The following MX2 variants were observed in gnomAD, a reference collection of about 807,000 sequenced individuals.
MX2 encodes the protein MX dynamin like GTPase 2.
In MX2, 51 loss-of-function variants were observed where a neutral mutation model predicts 74.0. The ratio of observed to expected loss-of-function variants is 0.69; its 90% confidence interval spans 0.55 to 0.87. The LOEUF is 0.87. Ranked by LOEUF, MX2 falls within the 40% of genes least tolerant of loss-of-function variation. The pLI, the probability that MX2 is intolerant of heterozygous loss-of-function variation, is 0.00. For synonymous variants in MX2, 369 were observed against 339.3 expected (o/e 1.09, Z -0.96); for missense variants, 832 against 908.7 (o/e 0.92, Z 1.09).
chr21:41,397,778 G>A, intron 8 of MX2, 87 bp downstream of exon 8: 1 of 1,158,372 alleles, frequency 8.6e-7, no homozygotes, highest in Non-Finnish European at 1.3e-6. Context: ...ATGCCCCACT[G>A]ATCTGTCCAA....
In MX2 at chr21:41,395,788, G is replaced by C. The variant is rs1436304839; in HGVS notation, c.1070+3G>C. On this transcript the variant is annotated splice_donor_region_variant and intron_variant, in intron 7 of 13. Coordinates refer to ENST00000330714, the MANE Select transcript of MX2 (RefSeq NM_002463.2). ...TTTCAAACACATCCATATTTCAGGT[G>C]AGACTCTTCAGGAAAGCTCTGGAAT... 6.2e-7 allele frequency: 1 copy of C among 1,613,950 alleles called. No individual in the cohort carries two copies. The highest frequency in any genetic ancestry group is 1.1e-5 in the South Asian group (1 of 91,050).
chr21:41,399,373 G>A (rs1271223409), intron 10 of MX2, 36 bp downstream of exon 10: 1 of 1,604,890 alleles, frequency 6.2e-7, no homozygotes, highest in Non-Finnish European at 8.5e-7. Flanking sequence ...AAAACAGGGT[G>A]GTATTTACCC....
intron 1 of MX2, among the ~76,000 whole-genome samples, chr21:41,362,750 C>CTTTTTTTTTT (rs56903696): frequency 4.9e-5 from 4 of 82,156 alleles, no homozygotes; most frequent in African/African-American, 4.9e-5. Flanking sequence ...GTTTTTTTTT[C>CTTTTTTTTTT]TTTTTTTTTT....
At chr21:41,401,746 A>T (rs1282338904) in intron 10 of MX2, 7 of 464,068 alleles carry the variant, frequency 1.5e-5, no homozygotes, top group Non-Finnish European at 2.6e-5. Context: ...ATGACTTTCA[A>T]TTGAAACACA....
chr21:41,369,842 G>GC (rs2089300313), intron 1 of MX2, among the ~76,000 whole-genome samples: 1 of 24,144 alleles, frequency 4.1e-5, no homozygotes, highest in African/African-American at 1.6e-4. Flanking sequence ...CCCCGCCCCC[G>GC]CCCCCGCTCC....
At chr21:41,405,271 A>G (rs545512050) in intron 12 of MX2, among the ~76,000 whole-genome samples, 99 of 152,276 alleles carry the variant, frequency 6.5e-4, no homozygotes, top group African/African-American at 2.2e-3. Flanking sequence ...AAAGAAAAAA[A>G]AAAAAGAAAA....
intron 12 of MX2, among the ~76,000 whole-genome samples, chr21:41,405,489 C>T (rs963529922): frequency 2.0e-5 from 3 of 151,930 alleles, no homozygotes; most frequent in Admixed American, 6.6e-5. Flanking sequence ...TATCCTCACA[C>T]GGTGGAAAGA....
Position 41,388,130 on chromosome 21 carries a change from C to T in MX2, c.733-2435C>T, listed in dbSNP as rs940281231. Among the ~76,000 whole-genome samples, 2 of 152,190 alleles carry T rather than the reference C, an allele frequency of 1.3e-5. No individual in the cohort carries two copies. Among genetic ancestry groups the T allele is most frequent in the African/African-American group, 4.8e-5 (2 of 41,432 alleles). ...TGCCTCTGCCCTTCCCGGCAGCACC[C>T]ATCCCAAGAATGTTTCCCACACAGC... is the stretch of plus-strand genomic sequence containing the variant. On this transcript the variant is annotated intron_variant, in intron 5 of 13. Transcript: ENST00000330714. The surrounding 1 kb of genome is among the most constrained non-coding windows in gnomAD (Gnocchi z 4.0).
intron 7 of MX2, among the ~76,000 whole-genome samples, chr21:41,396,443 G>C (rs1209369099): frequency 6.6e-6 from 1 of 150,816 alleles, no homozygotes; most frequent in Non-Finnish European, 1.5e-5. Flanking sequence ...AATGATCCAG[G>C]AGCACAGAGG....
At position 41,402,991 on chromosome 21, in the gene MX2, T is replaced by C; in HGVS notation, c.1574-276T>C. On this transcript the variant is annotated intron_variant, in intron 11 of 13. Transcript: ENST00000330714. The surrounding 1 kb of genome is among the most constrained non-coding windows in gnomAD (Gnocchi z 4.5). ...GACTGGAACTGGTCCAGCCTGGGAG[T>C]TGGGGACCCCTGATGTAAGGAATAG... 3 of 371,718 alleles carry C rather than the reference T, an allele frequency of 8.1e-6. No individual in the cohort carries two copies. The highest frequency in any genetic ancestry group is 2.7e-5 in the South Asian group (1 of 37,706). 23.0% of individuals were successfully genotyped at this position (371,718 alleles called of 1,614,324 possible).
rs2145941875 is a variant in MX2 at position 41,395,568 on chromosome 21, T to C, written c.872-19T>C. 6.2e-7 allele frequency: 1 copy of C among 1,612,976 alleles called. No individual in the cohort carries two copies. Among genetic ancestry groups the C allele is most frequent in the Non-Finnish European group, 8.5e-7 (1 of 1,179,096 alleles). ...GGGATCACTGACCTTTCCATTTCCC[T>C]TCTTTAACCATCTCACAGGTATCCT... is the stretch of plus-strand genomic sequence containing the variant. On this transcript the variant is annotated intron_variant, in intron 6 of 13. Transcript: ENST00000330714.
intron 1 of MX2, among the ~76,000 whole-genome samples, chr21:41,374,669 C>T (rs375058494): frequency 6.7e-6 from 1 of 150,098 alleles, no homozygotes. Flanking sequence ...TGCTGAAAGC[C>T]GGCAGGTGTC....
At chr21:41,385,513 T>C (rs2089559317) in intron 5 of MX2, among the ~76,000 whole-genome samples, 1 of 152,184 alleles carries the variant, frequency 6.6e-6, no homozygotes, top group Non-Finnish European at 1.5e-5. Context: ...GTGCCTTTGC[T>C]CCTCCCTTCC....
In MX2 at chr21:41,402,847, G is replaced by A. The variant is rs557506864; in HGVS notation, c.1574-420G>A. Reference sequence around the variant, plus strand: ...AACACGCAACCTAGATCCCTCGCACGTGCAGCTCACAACAGGGTTTGTGCT... The same window carrying A: ...AACACGCAACCTAGATCCCTCGCACATGCAGCTCACAACAGGGTTTGTGCT... On this transcript the variant is annotated intron_variant, in intron 11 of 13. Transcript: ENST00000330714. The surrounding 1 kb of genome is among the most constrained non-coding windows in gnomAD (Gnocchi z 4.5). 15 of 188,112 alleles carry A rather than the reference G, an allele frequency of 8.0e-5. No homozygotes were observed. The highest frequency in any genetic ancestry group is 2.3e-4 in the African/African-American group (10 of 43,016). 11.7% of individuals were successfully genotyped at this position (188,112 alleles called of 1,614,324 possible). A position where few individuals can be genotyped will look rare whatever the true frequency, so the allele number is the denominator to read the frequency against.
chr21:41,398,878 T>C lies in MX2; in HGVS notation c.1150-19T>C, dbSNP rs1462994264. ...ATCTCTTAAGCCGCAGTTTGATTGT[T>C]TGCAATTGTTTTGTTTAGAAATCGC... On this transcript the variant is annotated intron_variant, in intron 8 of 13. Coordinates refer to ENST00000330714, the MANE Select transcript of MX2 (RefSeq NM_002463.2). 1.2e-6 allele frequency: 2 copies of C among 1,608,840 alleles called. No homozygotes were observed. The highest frequency in any genetic ancestry group is 2.7e-5 in the African/African-American group (2 of 74,800).
intron 6 of MX2, among the ~76,000 whole-genome samples, chr21:41,394,670 C>T (rs563513763): frequency 1.3e-4 from 20 of 152,274 alleles, no homozygotes; most frequent in African/African-American, 3.8e-4. Flanking sequence ...AGGCCAGGCA[C>T]GGTGGCTCAT....
At chr21:41,393,127 A>AAAAAAAAAAAAG (rs1568944000) in intron 6 of MX2, among the ~76,000 whole-genome samples, 3 of 141,966 alleles carry the variant, frequency 2.1e-5, no homozygotes, top group African/African-American at 5.8e-5. Flanking sequence ...AAAAAAAAAA[A>AAAAAAAAAAAAG]AAAAGAAAGA....
intron 1 of MX2, chr21:41,364,788 C>T (rs1444832329): frequency 2.0e-5 from 3 of 152,318 alleles, no homozygotes; most frequent in African/African-American, 7.2e-5. Flanking sequence ...TGTTCGAGGG[C>T]AGGAAGCATC....
In MX2 at chr21:41,401,162, C is replaced by T. The variant is rs1176378840; in HGVS notation, c.1415-808C>T. On this transcript the variant is annotated intron_variant, in intron 10 of 13. Transcript: ENST00000330714. ...TTGAGATGAGATTTGGATGGGGACA[C>T]AGAGCCAAACACAATTTGAGATGAG... 4 of 149,068 alleles carry T rather than the reference C, an allele frequency of 2.7e-5. No individual in the cohort carries two copies. The East Asian group carries it at 7.7e-4, about 29-fold the overall frequency. 9.2% of individuals were successfully genotyped at this position (149,068 alleles called of 1,614,324 possible).
Sources: gnomAD v4.1 joint callset for allele counts (sites outside exome capture counted in the v4.1 genomes callset) on GRCh38, gnomAD v4.1.1 for gene constraint, Gnocchi (gnomAD v3.1) non-coding constraint, MANE v1.5 for transcripts, NCBI Gene and HGNC (gene_info 2026-07-23, HGNC 2026-07-21) for gene names.